Variants in ELAC1 observed in about 807,000 individuals in gnomAD.
ELAC1 encodes the protein elaC ribonuclease Z 1.
In ELAC1, 19 loss-of-function variants were observed where a neutral mutation model predicts 25.8. The ratio of observed to expected loss-of-function variants is 0.74; its 90% confidence interval spans 0.51 to 1.08. The LOEUF is 1.08. Ranked by LOEUF, ELAC1 falls within the 50% of genes least tolerant of loss-of-function variation. The pLI, the probability that ELAC1 is intolerant of heterozygous loss-of-function variation, is 0.00. For missense variants in ELAC1, 403 were observed against 434.6 expected (o/e 0.93, Z 0.65); for synonymous variants, 148 against 160.9 (o/e 0.92, Z 0.61).
intron 1 of ELAC1, chr18:50,968,908 A>G (rs1907577415): frequency 6.6e-6 from 1 of 152,344 alleles, no homozygotes; most frequent in East Asian, 1.9e-4. Flanking sequence ...TTCAAGTCAT[A>G]TATGAAAATT....
At chr18:50,968,844 C>G (rs945093566) in intron 1 of ELAC1, 6 of 152,174 alleles carry the variant, frequency 3.9e-5, no homozygotes, top group Non-Finnish European at 5.9e-5. Flanking sequence ...TGATTACTTC[C>G]CGACCTATTT....
At chr18:50,972,520 C>T (rs1032018093) in intron 1 of ELAC1, among the ~76,000 whole-genome samples, 54 of 152,120 alleles carry the variant, frequency 3.5e-4, no homozygotes, top group African/African-American at 1.1e-3. Context: ...CTTACTGTGT[C>T]ACCCAGGCTG....
At chr18:50,982,583 G>T (rs1357475503) in intron 2 of ELAC1, among the ~76,000 whole-genome samples, 1 of 152,226 alleles carries the variant, frequency 6.6e-6, no homozygotes, top group Non-Finnish European at 1.5e-5. Flanking sequence ...ATGTCATGTG[G>T]TGTGTCTCAG....
rs1275916813 is a variant in ELAC1, at chr18:50,984,753, G to A, written c.625+190G>A. 3 of 596,900 alleles carry A rather than the reference G, an allele frequency of 5.0e-6. 1 individual carries two copies. Among genetic ancestry groups the A allele is most frequent in the Non-Finnish European group, 8.9e-6 (3 of 337,434 alleles). The allele number at this position is 596,900 out of a possible 1,614,324, so 37.0% of individuals were successfully genotyped here. A position where few individuals can be genotyped will look rare whatever the true frequency, so the allele number is the denominator to read the frequency against. On this transcript the variant is annotated intron_variant, in intron 3 of 3. Coordinates refer to ENST00000269466, the MANE Select transcript of ELAC1 (RefSeq NM_018696.3). ...TCAAGACCAGCCTGGGCAACATGGC[G>A]AAACCCCATCTCTACTAAAAATACA...
chr18:50,970,713 T>G (rs1203922505), intron 1 of ELAC1, among the ~76,000 whole-genome samples: 1 of 149,744 alleles, frequency 6.7e-6, no homozygotes, highest in Non-Finnish European at 1.5e-5. Context: ...AAAAAAATCA[T>G]CAGCATTAAG....
At chr18:50,985,570 A>G (rs1453874613) in intron 3 of ELAC1, among the ~76,000 whole-genome samples, 2 of 152,252 alleles carry the variant, frequency 1.3e-5, no homozygotes, top group Non-Finnish European at 2.9e-5. Flanking sequence ...CTTCACAGGC[A>G]TGCTGTGGCA....
At chr18:50,970,539 G>C (rs1907623305) in intron 1 of ELAC1, among the ~76,000 whole-genome samples, 1 of 152,156 alleles carries the variant, frequency 6.6e-6, no homozygotes, top group East Asian at 1.9e-4. Context: ...AGGGATGTTA[G>C]CAATAACCTC....
At chr18:50,979,799 T>C (rs1308166805) in intron 2 of ELAC1, among the ~76,000 whole-genome samples, 1 of 152,188 alleles carries the variant, frequency 6.6e-6, no homozygotes, top group Admixed American at 6.5e-5. Context: ...CGATCTCGGC[T>C]CATTACAACC....
intron 3 of ELAC1, 118 bp from the exon 4 acceptor site, chr18:50,986,501 C>T (rs893995104): frequency 1.2e-6 from 1 of 802,726 alleles, no homozygotes; most frequent in African/African-American, 1.7e-5. Flanking sequence ...AGTAGTAAAA[C>T]ATTTATAACA....
chr18:50,978,071 C>A (rs1308282377), intron 2 of ELAC1, among the ~76,000 whole-genome samples: 1 of 152,192 alleles, frequency 6.6e-6, no homozygotes, highest in African/African-American at 2.4e-5. Context: ...TTGGTCAAAA[C>A]CATTCAACAG....
In ELAC1 at chr18:50,987,284, A is replaced by C. The variant is rs570220984; in HGVS notation, c.*199A>C. 2.6e-5 allele frequency: 11 copies of C among 418,362 alleles called. No homozygotes were observed. Among genetic ancestry groups the C allele is most frequent in the African/African-American group, 1.4e-4 (7 of 49,240 alleles). 25.9% of individuals were successfully genotyped at this position (418,362 alleles called of 1,614,324 possible). A position where few individuals can be genotyped will look rare whatever the true frequency, so the allele number is the denominator to read the frequency against. ...AATAAATCTTTTTAAGAGAAAAAAA[A>C]CCCAGCATCCTTTTTGAAGTCCAGA... On this transcript the variant is annotated 3_prime_UTR_variant, in exon 4 of 4. Coordinates refer to ENST00000269466, the MANE Select transcript of ELAC1 (RefSeq NM_018696.3).
chr18:50,975,348 A>C (rs549162824), intron 2 of ELAC1, among the ~76,000 whole-genome samples: 1 of 151,950 alleles, frequency 6.6e-6, no homozygotes, highest in Non-Finnish European at 1.5e-5. Flanking sequence ...GGCTTTCCCA[A>C]ATCCTCCTGG....
At chr18:50,983,155 GTT>G (rs552455433) in intron 2 of ELAC1, among the ~76,000 whole-genome samples, 10 of 60,862 alleles carry the variant, frequency 1.6e-4, no homozygotes, top group African/African-American at 3.2e-4. Context: ...TTTACTTGGT[GTT>G]TTTTTTTTTT....
At chr18:50,971,920 A>ATATATATATATATG (rs1907667795) in intron 1 of ELAC1, among the ~76,000 whole-genome samples, 3 of 141,274 alleles carry the variant, frequency 2.1e-5, no homozygotes, top group African/African-American at 7.7e-5. Flanking sequence ...GTGTATATAT[A>ATATATATATATATG]TATATATATA....
At chr18:50,970,519 A>G (rs1599142865) in intron 1 of ELAC1, among the ~76,000 whole-genome samples, 1 of 152,186 alleles carries the variant, frequency 6.6e-6, no homozygotes, top group East Asian at 1.9e-4. Flanking sequence ...AATGTAGAGT[A>G]ACACATGAAA....
chr18:50,968,270 G>C (rs1907554303), intron 1 of ELAC1, among the ~76,000 whole-genome samples, 156 bp downstream of exon 1: 1 of 152,082 alleles, frequency 6.6e-6, no homozygotes, highest in African/African-American at 2.4e-5. Flanking sequence ...GTCTCGGCGG[G>C]CCGGAGCCTC....
At chr18:50,973,705 AT>A (rs573506322) in intron 1 of ELAC1, among the ~76,000 whole-genome samples, 7 of 152,104 alleles carry the variant, frequency 4.6e-5, no homozygotes, top group African/African-American at 1.2e-4. Context: ...TATTAGAAGG[AT>A]TTTTTTTAAA....
chr18:50,983,241 A>C (rs1225606279), intron 2 of ELAC1, among the ~76,000 whole-genome samples: 2 of 133,786 alleles, frequency 1.5e-5, no homozygotes, highest in Non-Finnish European at 3.0e-5. Context: ...CGACTCACGC[A>C]ACCTCCGCCT....
rs543336625 is a variant in ELAC1 at position 50,983,882 on chromosome 18, A to G, written c.158-214A>G. ...AAAAAAAAAAAACTATTAAAAACAA[A>G]CAAACAAAAAACCACCTGGTGAAAT... On this transcript the variant is annotated intron_variant, in intron 2 of 3. Transcript: ENST00000269466. Among the ~76,000 whole-genome samples the G allele has an allele frequency of 2.6e-5, 4 of 152,038 alleles. No homozygotes were observed. The East Asian group carries it at 7.7e-4, about 29-fold the overall frequency.
Sources: gnomAD v4.1 joint callset for allele counts (sites outside exome capture counted in the v4.1 genomes callset) on GRCh38, gnomAD v4.1.1 for gene constraint, MANE v1.5 for transcripts, NCBI Gene and HGNC (gene_info 2026-07-23, HGNC 2026-07-21) for gene names.